Variants in GRM1 observed in about 807,000 individuals in gnomAD.
GRM1 encodes metabotropic glutamate receptor 1.
GRM1 carries 33 observed loss-of-function variants against 90.9 expected under a neutral mutation model. The observed-to-expected ratio is 0.36, with a 90% confidence interval of 0.28 to 0.49. The LOEUF (loss-of-function observed/expected upper bound fraction) is 0.49. GRM1 is among the 20% of genes least tolerant of loss of function. GRM1 has a pLI of 0.99. For synonymous variants in GRM1, 700 were observed against 613.2 expected, an observed-to-expected ratio of 1.14 and a Z score of -2.09; for missense variants, 1,190 against 1,534.3, an observed-to-expected ratio of 0.78 and a Z score of 3.75.
chr6:146,354,199 G>A (rs1241814219), intron 4 of GRM1, among the ~76,000 whole-genome samples: 1 of 152,214 alleles, frequency 6.6e-6, no homozygotes, highest in African/African-American at 2.4e-5. Flanking sequence ...TGCGAGTGAG[G>A]TAGATGGAAT....
At chr6:146,412,294 C>T (rs75333997) in intron 7 of GRM1, among the ~76,000 whole-genome samples, 2,796 of 152,200 alleles carry the variant, frequency 0.018, 37 homozygotes, top group South Asian at 0.028. Flanking sequence ...AAAATAAGCC[C>T]TGCATTTAGG....
At chr6:146,160,853 A>G (rs914757894) in intron 2 of GRM1, among the ~76,000 whole-genome samples, 22 of 152,318 alleles carry the variant, frequency 1.4e-4, no homozygotes, top group Non-Finnish European at 1.8e-4. Context: ...CCAAGGTCAA[A>G]TTGTAATTCA....
In GRM1 at chr6:146,033,686, T is replaced by G. The variant is rs139199234; in HGVS notation, c.700+3469T>G. On this transcript the variant is annotated intron_variant, in intron 1 of 7. Transcript: ENST00000282753. ...ACTTTTCTTTCCAGTTAGATTTTGA[T>G]CTTGGTGTGACATTTTTTTGACATT... Among the ~76,000 whole-genome samples, 5 of 152,156 alleles carry G rather than the reference T, an allele frequency of 3.3e-5. No homozygotes were observed. In the East Asian group the frequency reaches 9.6e-4, roughly 29 times the overall value.
At chr6:146,287,630 C>T (rs1375545630) in intron 2 of GRM1, among the ~76,000 whole-genome samples, 3 of 152,246 alleles carry the variant, frequency 2.0e-5, no homozygotes, top group Non-Finnish European at 4.4e-5. Context: ...AAAATATTGA[C>T]CCAACTCATG....
chr6:146,363,115 T>C (rs751055812), intron 5 of GRM1, among the ~76,000 whole-genome samples: 3 of 152,206 alleles, frequency 2.0e-5, no homozygotes, highest in Non-Finnish European at 4.4e-5. Flanking sequence ...TGGAGAAAAC[T>C]TATAATTTCT....
rs374799742 is a variant in GRM1, at chr6:146,385,430, C to T, written c.1603-1460C>T. Among the ~76,000 whole-genome samples, 55 of 151,878 alleles carry T rather than the reference C, an allele frequency of 3.6e-4. No individual in the cohort carries two copies. In the South Asian group the frequency reaches 1.0e-2, roughly 28 times the overall value. On this transcript the variant is annotated intron_variant, in intron 5 of 7. Transcript: ENST00000282753. ...CATGCTGAAATAGAATATATATATACGGTCAACTTAAACTTCCATACCAAG... is the reference window on the plus strand; with the variant it reads ...CATGCTGAAATAGAATATATATATATGGTCAACTTAAACTTCCATACCAAG...
chr6:146,211,051 A>G (rs1398868197), intron 2 of GRM1, among the ~76,000 whole-genome samples: 2 of 152,032 alleles, frequency 1.3e-5, no homozygotes, highest in Admixed American at 6.6e-5. Context: ...CAAAGGAATT[A>G]TCTCCCTGCT....
At chr6:146,407,915 T>C (rs542946456) in intron 7 of GRM1, among the ~76,000 whole-genome samples, 1 of 152,248 alleles carries the variant, frequency 6.6e-6, no homozygotes, top group South Asian at 2.1e-4. Flanking sequence ...AGAAACAGTA[T>C]AATGTGGTGA....
At chr6:146,238,786 T>G (rs1242836705) in intron 2 of GRM1, among the ~76,000 whole-genome samples, 3 of 152,156 alleles carry the variant, frequency 2.0e-5, no homozygotes, top group African/African-American at 7.2e-5. Context: ...ATGATTTTAA[T>G]GAAATATCTT....
chr6:146,044,602 A>G (rs6909827), intron 1 of GRM1, among the ~76,000 whole-genome samples: 69,639 of 151,776 alleles, frequency 0.46, 16,389 homozygotes, highest in African/African-American at 0.54. Flanking sequence ...AGAGGGAGGT[A>G]CTGTGTGTTG....
chr6:146,337,903 A>G (rs1784832459), intron 3 of GRM1, among the ~76,000 whole-genome samples: 1 of 152,240 alleles, frequency 6.6e-6, no homozygotes, highest in Admixed American at 6.5e-5. Flanking sequence ...AAACTGGCAT[A>G]TATTATACAA....
intron 6 of GRM1, among the ~76,000 whole-genome samples, chr6:146,389,960 T>C (rs1776657268): frequency 6.6e-6 from 1 of 152,044 alleles, no homozygotes; most frequent in Non-Finnish European, 1.5e-5. Flanking sequence ...GGTGTTACCA[T>C]GGTAGCGGTA....
intron 1 of GRM1, among the ~76,000 whole-genome samples, chr6:146,080,812 CA>C (rs1169280617): frequency 6.6e-6 from 1 of 152,186 alleles, no homozygotes; most frequent in African/African-American, 2.4e-5. Flanking sequence ...TCTGGGCAGA[CA>C]AGGCTTAGAT....
At chr6:146,287,736 G>T (rs1782816294) in intron 2 of GRM1, among the ~76,000 whole-genome samples, 1 of 152,182 alleles carries the variant, frequency 6.6e-6, no homozygotes. Flanking sequence ...GGTAATAGAA[G>T]AAGAGGTCAG....
chr6:146,350,955 G>C (rs1481119908), intron 3 of GRM1, among the ~76,000 whole-genome samples: 1 of 152,150 alleles, frequency 6.6e-6, no homozygotes, highest in African/African-American at 2.4e-5. Flanking sequence ...TCTCAGGGTA[G>C]ATATAAGGAT....
intron 1 of GRM1, among the ~76,000 whole-genome samples, chr6:146,036,515 TACA>T (rs1198827640): frequency 6.6e-6 from 1 of 151,968 alleles, no homozygotes; most frequent in Non-Finnish European, 1.5e-5. Context: ...TATGAATGTC[TACA>T]ACATTTAAAA....
chr6:146,398,682 A>G, intron 6 of GRM1, 87 bp from the exon 7 acceptor site: 2 of 895,192 alleles, frequency 2.2e-6, no homozygotes, highest in East Asian at 4.8e-5. Context: ...GGATGCAAAG[A>G]TGACTGTGTC....
At chr6:146,197,968 A>G (rs1227573744) in intron 2 of GRM1, among the ~76,000 whole-genome samples, 2 of 152,222 alleles carry the variant, frequency 1.3e-5, no homozygotes, top group African/African-American at 2.4e-5. Flanking sequence ...AATTGTTAAG[A>G]TGGTAGATCT....
At chr6:146,133,725 C>A (rs1776497948) in intron 1 of GRM1, among the ~76,000 whole-genome samples, 1 of 152,100 alleles carries the variant, frequency 6.6e-6, no homozygotes, top group Non-Finnish European at 1.5e-5. Context: ...CAAAATCAAC[C>A]TTTTGTGCAA....
Sources: gnomAD v4.1 joint callset for allele counts (sites outside exome capture counted in the v4.1 genomes callset) on GRCh38, gnomAD v4.1.1 for gene constraint, MANE v1.5 for transcripts, NCBI Gene and HGNC (gene_info 2026-07-23, HGNC 2026-07-21) for gene names.